Variants in PTPRM observed in about 807,000 individuals in gnomAD.
The protein encoded by PTPRM is protein tyrosine phosphatase receptor type M.
PTPRM carries 47 observed loss-of-function variants against 186.7 expected under a neutral mutation model. That is an observed-to-expected ratio of 0.25 (90% CI 0.20 to 0.32). PTPRM has a LOEUF of 0.32. PTPRM is among the 10% of genes least tolerant of loss of function. The probability of loss-of-function intolerance (pLI) is 1.00; values close to 1 mark genes in which losing one functional copy is unlikely to be tolerated. For missense variants in PTPRM, 1,494 were observed against 1,865.0 expected, an observed-to-expected ratio of 0.80 and a Z score of 3.66; for synonymous variants, 668 against 674.9, an observed-to-expected ratio of 0.99 and a Z score of 0.16.
chr18:8,116,239 C>G (rs2091952628), intron 13 of PTPRM, among the ~76,000 whole-genome samples: 1 of 152,200 alleles, frequency 6.6e-6, no homozygotes, highest in African/African-American at 2.4e-5. Context: ...TTCACTTACA[C>G]TTAAGGTCTG....
At chr18:7,908,931 A>G (rs919896931) in intron 4 of PTPRM, among the ~76,000 whole-genome samples, 1 of 152,240 alleles carries the variant, frequency 6.6e-6, no homozygotes, top group African/African-American at 2.4e-5. Context: ...CTAGGAGGTT[A>G]AAAACATAAG....
chr18:8,242,292 T>C (rs1242386063), intron 14 of PTPRM, among the ~76,000 whole-genome samples: 4 of 152,224 alleles, frequency 2.6e-5, no homozygotes, highest in South Asian at 2.1e-4. Context: ...ATGATCTCAG[T>C]CCTCCACTTC....
chr18:7,921,525 C>T (rs1295814009), intron 4 of PTPRM, among the ~76,000 whole-genome samples: 2 of 151,786 alleles, frequency 1.3e-5, no homozygotes, highest in Non-Finnish European at 2.9e-5. Context: ...GGACTACAGG[C>T]GCCTGCCACC....
chr18:7,979,573 G>T lies in PTPRM; in HGVS notation c.1132+24159G>T, dbSNP rs537135946. On this transcript the variant is annotated intron_variant, in intron 7 of 32. Transcript: ENST00000580170. ...ATTAAACCTTCTTTTCCCAAAGATC[G>T]TGCAGAGCTCATAATATGTATTTGC... Among the ~76,000 whole-genome samples, 6 of 152,248 alleles carry T rather than the reference G, an allele frequency of 3.9e-5. No homozygotes were observed. The East Asian group carries it at 1.2e-3, about 29-fold the overall frequency.
chr18:7,742,307 A>T (rs949571660), intron 1 of PTPRM, among the ~76,000 whole-genome samples: 7 of 152,202 alleles, frequency 4.6e-5, no homozygotes, highest in Admixed American at 1.3e-4. Flanking sequence ...GGATGAATGG[A>T]TGCCAAAAAA....
chr18:8,203,115 C>T (rs574748194), intron 14 of PTPRM, among the ~76,000 whole-genome samples: 22 of 152,296 alleles, frequency 1.4e-4, no homozygotes, highest in African/African-American at 1.4e-4. Flanking sequence ...TGTATATCTA[C>T]GTAGTTGAGA....
intron 14 of PTPRM, among the ~76,000 whole-genome samples, chr18:8,211,367 G>A (rs1388070740): frequency 4.1e-5 from 6 of 145,250 alleles, no homozygotes; most frequent in Admixed American, 6.8e-5. Context: ...GCTTGTGTAG[G>A]TCTCTTCTTC....
rs2039144523 is a variant in PTPRM at position 7,668,371 on chromosome 18, C to T, written c.73+100480C>T. Among the ~76,000 whole-genome samples, 1 of 152,196 alleles carries T rather than the reference C, an allele frequency of 6.6e-6. No individual in the cohort carries two copies. The highest frequency in any genetic ancestry group is 2.4e-5 in the African/African-American group (1 of 41,444). On this transcript the variant is annotated intron_variant, in intron 1 of 32. Transcript: ENST00000580170. This position sits in a 1 kb window ranked among gnomAD's most constrained non-coding sequence, Gnocchi z 4.7. ...CCAGAGCAGACACCATTATTCTTAT[C>T]TTTGTCTTGTTTGTTATTATGTAGC...
chr18:7,972,739 T>C (rs965369985), intron 7 of PTPRM, among the ~76,000 whole-genome samples: 1 of 152,102 alleles, frequency 6.6e-6, no homozygotes, highest in African/African-American at 2.4e-5. Flanking sequence ...ACTGAAGTCA[T>C]AGATGTGATA....
chr18:8,241,656 C>T (rs1170576590), intron 14 of PTPRM, among the ~76,000 whole-genome samples: 1 of 152,240 alleles, frequency 6.6e-6, no homozygotes, highest in Non-Finnish European at 1.5e-5. Context: ...CAGCTCTCCA[C>T]AACCCTTTAT....
At chr18:7,945,334 G>A (rs2052451932) in intron 5 of PTPRM, among the ~76,000 whole-genome samples, 1 of 151,870 alleles carries the variant, frequency 6.6e-6, no homozygotes, top group Non-Finnish European at 1.5e-5. Context: ...CATGGTGGCG[G>A]GCACGTGTAG....
chr18:8,189,371 G>T (rs2093682443), intron 14 of PTPRM, among the ~76,000 whole-genome samples: 1 of 152,016 alleles, frequency 6.6e-6, no homozygotes. Context: ...CTCACGGGGG[G>T]TTCTGCTACT....
intron 4 of PTPRM, among the ~76,000 whole-genome samples, chr18:7,923,624 G>T (rs370841550): frequency 7.2e-5 from 11 of 152,150 alleles, no homozygotes; most frequent in African/African-American, 2.7e-4. Context: ...ACAAAAGATT[G>T]GGGAGTGGTT....
Position 8,185,705 on chromosome 18 carries a change from T to C in PTPRM, c.2300+41926T>C, listed in dbSNP as rs534127475. ...TATATGAGTTGCATAAAAACATATGTTCCTTTTGTGAAAAGTTTCTCTAGG... is the reference window on the plus strand; with the variant it reads ...TATATGAGTTGCATAAAAACATATGCTCCTTTTGTGAAAAGTTTCTCTAGG... On this transcript the variant is annotated intron_variant, in intron 14 of 32. Transcript: ENST00000580170. Among the ~76,000 whole-genome samples, 5 of 152,370 alleles carry C rather than the reference T, an allele frequency of 3.3e-5. No individual in the cohort carries two copies. In the South Asian group the frequency reaches 1.0e-3, roughly 32 times the overall value.
chr18:7,743,922 G>A (rs2040933455), intron 1 of PTPRM, among the ~76,000 whole-genome samples: 1 of 151,984 alleles, frequency 6.6e-6, no homozygotes, highest in African/African-American at 2.4e-5. Context: ...TGAGTATCCC[G>A]AAATAACTGC....
intron 22 of PTPRM, among the ~76,000 whole-genome samples, chr18:8,329,917 G>A (rs1274544955): frequency 2.0e-5 from 3 of 152,050 alleles, no homozygotes; most frequent in Non-Finnish European, 4.4e-5. Flanking sequence ...TCCTGCCTCA[G>A]CCTCCTGAGT....
chr18:7,876,064 C>A (rs1344618468), intron 2 of PTPRM, among the ~76,000 whole-genome samples: 1 of 151,824 alleles, frequency 6.6e-6, no homozygotes, highest in Non-Finnish European at 1.5e-5. Context: ...TATGGGACTG[C>A]AGTTGTGTAT....
intron 2 of PTPRM, among the ~76,000 whole-genome samples, chr18:7,866,951 T>C (rs1026415634): frequency 2.0e-5 from 3 of 152,238 alleles, no homozygotes; most frequent in Admixed American, 6.5e-5. Context: ...ATGCCCTTCT[T>C]TGTCTCTTTT....
intron 2 of PTPRM, among the ~76,000 whole-genome samples, chr18:7,793,118 A>T (rs531974969): frequency 1.3e-5 from 2 of 152,320 alleles, no homozygotes; most frequent in East Asian, 3.9e-4. Context: ...TTCCCAGAAC[A>T]CAGTTTGATG....
Sources: gnomAD v4.1 joint callset for allele counts (sites outside exome capture counted in the v4.1 genomes callset) on GRCh38, gnomAD v4.1.1 for gene constraint, Gnocchi (gnomAD v3.1) non-coding constraint, MANE v1.5 for transcripts, NCBI Gene and HGNC (gene_info 2026-07-23, HGNC 2026-07-21) for gene names.